Variants in FPGS observed in about 807,000 individuals in gnomAD.
The protein encoded by FPGS is folylpolyglutamate synthase.
Under a neutral mutation model 66.5 loss-of-function variants are expected in FPGS, and 53 were observed. The ratio of observed to expected loss-of-function variants is 0.80; its 90% CI spans 0.64 to 1.00. The LOEUF (loss-of-function observed/expected upper bound fraction) is 1.00, where lower values mean the gene tolerates loss of function less well. Among genes scored for constraint, FPGS ranks in the 50% least tolerant of loss-of-function variants. The probability of loss-of-function intolerance (pLI) is 0.00; values close to 1 mark genes in which losing one functional copy is unlikely to be tolerated. For missense variants in FPGS, 702 were observed against 807.7 expected, an observed-to-expected ratio of 0.87 and a Z score of 1.59; for synonymous variants, 348 against 350.9, an observed-to-expected ratio of 0.99 and a Z score of 0.09.
intron 4 of FPGS, chr9:127,804,952 G>T: frequency 2.2e-6 from 1 of 450,144 alleles, no homozygotes. Context: ...ACAATGGCAC[G>T]ATCTTGGCTC....
chr9:127,805,049 A>G (rs941720788), intron 4 of FPGS, among the ~76,000 whole-genome samples: 11 of 151,802 alleles, frequency 7.2e-5, no homozygotes, highest in Non-Finnish European at 1.6e-4. Flanking sequence ...CCACCACACC[A>G]GGCTAATTTT....
intron 14 of FPGS, 79 bp from the exon 15 acceptor site, chr9:127,813,116 G>A (rs976041846): frequency 2.5e-5 from 37 of 1,493,826 alleles, no homozygotes; most frequent in Non-Finnish European, 3.0e-5. Context: ...AGGTGCTCAC[G>A]GTGCACCCGC....
chr9:127,805,753 G>A (rs1223974296), intron 4 of FPGS, among the ~76,000 whole-genome samples: 1 of 152,202 alleles, frequency 6.6e-6, no homozygotes, highest in Non-Finnish European at 1.5e-5. Flanking sequence ...CCACGTTAAG[G>A]TCTCCTAGGC....
rs920633158 is a variant in FPGS, at chr9:127,806,746, A to C, written c.387-227A>C. ...CCAGCCTGGGTGAGGAGGCTGTCTT[A>C]GTTGAGACCAACGTGGTGAATAGGG... On this transcript the variant is annotated intron_variant, in intron 4 of 14. Coordinates refer to ENST00000373247, the MANE Select transcript of FPGS (RefSeq NM_004957.6). 3 of 566,136 alleles carry C rather than the reference A, an allele frequency of 5.3e-6. No individual in the cohort carries two copies. The African/African-American group carries it at 5.7e-5, about 11-fold the overall frequency. 35.1% of individuals were successfully genotyped at this position (566,136 alleles called of 1,614,324 possible).
At position 127,807,432 on chromosome 9, in the gene FPGS, A is replaced by C. The variant is rs932593256; in HGVS notation, c.591A>C (p.Ala197=). The change falls in exon 7 of 15, where the codon GCA becomes GCC. Residue 197 remains alanine, a synonymous_variant. Coordinates refer to ENST00000373247, the MANE Select transcript of FPGS (RefSeq NM_004957.6). This position sits in a 1 kb window ranked among gnomAD's most constrained non-coding sequence, Gnocchi z 5.8. Reference sequence around the variant, plus strand: ...CTGGTCTTTGACAGGTGGACCTGGCAGTGGTGGAGGTGGGCATTGGCGGGG... The same window carrying C: ...CTGGTCTTTGACAGGTGGACCTGGCCGTGGTGGAGGTGGGCATTGGCGGGG... ...HVFLQEKVDL[A]VVEVGIGGAY... 6.8e-6 allele frequency: 11 copies of C among 1,613,936 alleles called. No homozygotes were observed. In the African/African-American group the frequency reaches 1.2e-4, roughly 18 times the overall value.
chr9:127,809,317 C>T (rs1829961749), intron 11 of FPGS, among the ~76,000 whole-genome samples: 1 of 152,210 alleles, frequency 6.6e-6, no homozygotes, highest in South Asian at 2.1e-4. Flanking sequence ...CCAGCAGGTG[C>T]TCATGCTGTT....
At position 127,813,494 on chromosome 9, in the gene FPGS, A is replaced by C. The variant is rs773091641; in HGVS notation, c.1654A>C (p.Ser552Arg). Residue 552 changes from serine (S) to arginine (R), a missense_variant, in exon 15 of 15, where the codon AGT becomes CGT. Around this residue, in one of 3 missense-constraint regions of FPGS, gnomAD observed 351 missense variants for 363.7 expected, o/e 0.97. Coordinates refer to ENST00000373247, the MANE Select transcript of FPGS (RefSeq NM_004957.6). ...KGLLTHPVAH[S>R]GASILREAAA... ...CCTCCTCACCCACCCTGTGGCTCAC[A>C]GTGGGGCCAGCATACTCCGTGAGGC... 6.8e-6 allele frequency: 11 copies of C among 1,613,072 alleles called. No individual in the cohort carries two copies. Among genetic ancestry groups the C allele is most frequent in the Middle Eastern group, 1.6e-4 (1 of 6,084 alleles).
Position 127,810,911 on chromosome 9 carries a change from G to A in FPGS, c.1288-34G>A, listed in dbSNP as rs1373039279. ...GGAAGTTGGTGGACATCCTTTCGGG[G>A]GTCTGACACCAAGTCTTTCCCTTGG... On this transcript the variant is annotated intron_variant, in intron 13 of 14. Transcript: ENST00000373247. 2.3e-6 allele frequency: 3 copies of A among 1,279,188 alleles called. No homozygotes were observed. In the Admixed American group the frequency reaches 5.8e-5, roughly 25 times the overall value. The allele number at this position is 1,279,188 out of a possible 1,614,324, so 79.2% of individuals were successfully genotyped here.
intron 11 of FPGS, 47 bp downstream of exon 11, chr9:127,808,936 GC>G: frequency 7.8e-7 from 1 of 1,274,818 alleles, no homozygotes; most frequent in Admixed American, 2.7e-5. Context: ...GTGTGTCTGT[GC>G]CCCTTCAGAT....
At chr9:127,810,899 C>T in intron 13 of FPGS, 46 bp from the exon 14 acceptor site, 1 of 1,070,858 alleles carries the variant, frequency 9.3e-7, no homozygotes, top group Non-Finnish European at 1.4e-6. Flanking sequence ...AGTTGGTGGA[C>T]ATCCTTTCGG....
intron 14 of FPGS, among the ~76,000 whole-genome samples, chr9:127,811,324 T>C (rs1380033358): frequency 6.6e-6 from 1 of 150,592 alleles, no homozygotes; most frequent in African/African-American, 2.4e-5. Flanking sequence ...AAAAAAAAAA[T>C]ACAAAAAATT....
At chr9:127,814,445 G>C (rs978333219), downstream of FPGS, 5 of 152,340 alleles carry the variant, frequency 3.3e-5, no homozygotes, top group Non-Finnish European at 7.3e-5. Context: ...AAGAGGTCGA[G>C]ACCATCTGGC....
Position 127,807,296 on chromosome 9 carries a change from C to G in FPGS, c.579+10C>G, listed in dbSNP as rs774049344. On this transcript the variant is annotated intron_variant, in intron 6 of 14. Transcript: ENST00000373247. The surrounding 1 kb of genome is among the most constrained non-coding windows in gnomAD (Gnocchi z 5.8). ...CTTCCTCCAAGAGAAGGTGTGTGCC[C>G]TCTCCCTAGAACCCTGCATCTGAGG... 6.2e-7 allele frequency: 1 copy of G among 1,613,956 alleles called. No individual in the cohort carries two copies. The highest frequency in any genetic ancestry group is 1.3e-5 in the African/African-American group (1 of 74,922).
chr9:127,803,151 G>A lies in FPGS; in HGVS notation c.138+89G>A. ...GCAGAACATCCGGGCTCCGCTAGCC[G>A]AGAGGGTATCGGGAGCCCTGGACTG... On this transcript the variant is annotated intron_variant, in intron 1 of 14. Transcript: ENST00000373247. The A allele has an allele frequency of 5.5e-6, 7 of 1,265,434 alleles. No homozygotes were observed. The South Asian group carries it at 1.6e-4, about 29-fold the overall frequency. 78.4% of individuals were successfully genotyped at this position (1,265,434 alleles called of 1,614,324 possible).
At chr9:127,804,586 T>C in intron 3 of FPGS, 34 bp downstream of exon 3, 5 of 1,614,088 alleles carry the variant, frequency 3.1e-6, no homozygotes, top group Non-Finnish European at 4.2e-6. Flanking sequence ...GGGGGTCTAT[T>C]AAGTGGCTGG....
Position 127,813,939 on chromosome 9 carries a change from G to C in FPGS, c.*335G>C. 6 of 1,113,634 alleles carry C rather than the reference G, an allele frequency of 5.4e-6. No individual in the cohort carries two copies. Among genetic ancestry groups the C allele is most frequent in the Non-Finnish European group, 5.5e-6 (5 of 913,298 alleles). 69.0% of individuals were successfully genotyped at this position (1,113,634 alleles called of 1,614,324 possible). On this transcript the variant is annotated 3_prime_UTR_variant, in exon 15 of 15. Transcript: ENST00000373247. ...GCTGCCTGGCCAGGCCCTGGGTCTT[G>C]CCATGTGCTGGGTGGTAGATTTCCT...
At position 127,807,402 on chromosome 9, in the gene FPGS, G is replaced by C; in HGVS notation, c.580-19G>C. On this transcript the variant is annotated intron_variant, in intron 6 of 14. Transcript: ENST00000373247. This position sits in a 1 kb window ranked among gnomAD's most constrained non-coding sequence, Gnocchi z 5.8. ...TGGGCACCCTCATATCCCCTGCCAT[G>C]CCCTCTGGTCTTTGACAGGTGGACC... 6.2e-7 allele frequency: 1 copy of C among 1,613,560 alleles called. No individual in the cohort carries two copies. The highest frequency in any genetic ancestry group is 1.6e-4 in the Middle Eastern group (1 of 6,062).
At chr9:127,810,461 G>T (rs1564446115) in intron 13 of FPGS, among the ~76,000 whole-genome samples, 2 of 152,126 alleles carry the variant, frequency 1.3e-5, no homozygotes, top group African/African-American at 4.8e-5. Flanking sequence ...AAATGGGGTT[G>T]CTGCTAGGGG....
rs1215065339 is a variant in FPGS, at chr9:127,806,955, C to T, written c.387-18C>T. ...ACGCTCGGGAAGGGAGTCCTGATGACCCCAGCTGTCCCGGCAGCTCTCCCC... is the reference window on the plus strand; with the variant it reads ...ACGCTCGGGAAGGGAGTCCTGATGATCCCAGCTGTCCCGGCAGCTCTCCCC... On this transcript the variant is annotated intron_variant, in intron 4 of 14. Coordinates refer to ENST00000373247, the MANE Select transcript of FPGS (RefSeq NM_004957.6). The T allele has an allele frequency of 1.9e-6, 3 of 1,597,070 alleles. No homozygotes were observed. Among genetic ancestry groups the T allele is most frequent in the Admixed American group, 1.7e-5 (1 of 59,992 alleles).
Sources: gnomAD v4.1 joint callset for allele counts (sites outside exome capture counted in the v4.1 genomes callset) on GRCh38, gnomAD v4.1.1 for gene constraint, gnomAD v4.1.1 regional missense constraint, Gnocchi (gnomAD v3.1) non-coding constraint, MANE v1.5 for transcripts, NCBI Gene and HGNC (gene_info 2026-07-23, HGNC 2026-07-21) for gene names.